The following DGKB variants were observed in gnomAD, a reference collection of about 807,000 sequenced individuals.
DGKB encodes the protein diacylglycerol kinase beta.
A neutral mutation model predicts 114.3 loss-of-function variants in DGKB; 67 were observed. The ratio of observed to expected loss-of-function variants is 0.59; its 90% CI spans 0.48 to 0.72. The LOEUF (loss-of-function observed/expected upper bound fraction) is 0.72, where lower values mean the gene tolerates loss of function less well. DGKB is among the 30% of genes least tolerant of loss of function. DGKB has a pLI of 0.00. For missense variants in DGKB, 907 were observed against 975.2 expected, an observed-to-expected ratio of 0.93 and a Z score of 0.93; for synonymous variants, 398 against 323.1, an observed-to-expected ratio of 1.23 and a Z score of -2.49.
chr7:14,348,323 C>T (rs1812837832), intron 21 of DGKB, among the ~76,000 whole-genome samples: 1 of 152,040 alleles, frequency 6.6e-6, no homozygotes, highest in Non-Finnish European at 1.5e-5. Flanking sequence ...TCAACAGTTT[C>T]TTCCTTTTAT....
At chr7:14,296,594 G>GA (rs1010627714) in intron 23 of DGKB, among the ~76,000 whole-genome samples, 1 of 151,968 alleles carries the variant, frequency 6.6e-6, no homozygotes, top group Non-Finnish European at 1.5e-5. Context: ...GAGAAAGCAG[G>GA]AAAAATCTAA....
rs73681904 is a variant in DGKB, at chr7:14,646,604, C to A, written c.1135-16336G>T. On this transcript the variant is annotated intron_variant, in intron 13 of 25. Transcript: ENST00000402815. ...CTGTATCTTAGGCCTCAATATAAATCTCAAACATTTTAAAACATCAAAATT... is the reference window on the plus strand; with the variant it reads ...CTGTATCTTAGGCCTCAATATAAATATCAAACATTTTAAAACATCAAAATT... 1.5e-3 allele frequency among the ~76,000 whole-genome samples: 231 copies of A among 152,180 alleles called. 1 individual carries two copies. The highest frequency in any genetic ancestry group is 5.3e-3 in the African/African-American group (218 of 41,508).
chr7:14,306,591 C>T (rs1412605781), intron 23 of DGKB, among the ~76,000 whole-genome samples: 2 of 151,914 alleles, frequency 1.3e-5, no homozygotes, highest in African/African-American at 4.8e-5. Flanking sequence ...CCAGTCGGTA[C>T]AGTAGATAAT....
At chr7:14,478,111 G>A (rs1391274536) in intron 21 of DGKB, 50 bp downstream of exon 21, 11 of 1,317,698 alleles carry the variant, frequency 8.3e-6, no homozygotes, top group Non-Finnish European at 1.2e-5. Context: ...ATCTTTTTAT[G>A]GCAAAATTCA....
chr7:14,697,721 GAAGGA>G (rs1563942974), intron 8 of DGKB, among the ~76,000 whole-genome samples: 1 of 131,062 alleles, frequency 7.6e-6, no homozygotes, highest in Admixed American at 7.6e-5. Context: ...GAAAGAAAAG[GAAGGA>G]AGGAAAGAAA....
intron 21 of DGKB, among the ~76,000 whole-genome samples, chr7:14,350,030 T>C (rs1367256061): frequency 6.6e-6 from 1 of 152,144 alleles, no homozygotes; most frequent in African/African-American, 2.4e-5. Context: ...ATTAACGTAG[T>C]AAACCCTATG....
intron 12 of DGKB, among the ~76,000 whole-genome samples, chr7:14,673,315 T>C (rs150628105): frequency 3.4e-3 from 512 of 152,134 alleles, no homozygotes; most frequent in Non-Finnish European, 4.5e-3. Flanking sequence ...CCCTGATTTC[T>C]TTGACAAACA....
At chr7:14,544,105 T>G (rs1298362690) in intron 20 of DGKB, among the ~76,000 whole-genome samples, 2 of 152,216 alleles carry the variant, frequency 1.3e-5, no homozygotes, top group East Asian at 3.8e-4. Flanking sequence ...CCTTGAGTTA[T>G]AGATATAAGA....
intron 13 of DGKB, among the ~76,000 whole-genome samples, chr7:14,654,467 G>A (rs946958358): frequency 2.4e-4 from 37 of 151,940 alleles, no homozygotes; most frequent in African/African-American, 8.7e-4. Context: ...ACAACCCAAA[G>A]CAATTTATAG....
intron 1 of DGKB, among the ~76,000 whole-genome samples, chr7:14,913,123 G>C (rs1170327687): frequency 2.0e-5 from 3 of 152,054 alleles, no homozygotes; most frequent in Admixed American, 2.0e-4. Context: ...TTGTGGATCA[G>C]TGAGTCTTCA....
intron 25 of DGKB, among the ~76,000 whole-genome samples, chr7:14,164,443 A>G (rs1312962479): frequency 6.6e-6 from 1 of 152,246 alleles, no homozygotes; most frequent in Non-Finnish European, 1.5e-5. Flanking sequence ...AATGATATTT[A>G]AAGTTAAAGA....
intron 1 of DGKB, among the ~76,000 whole-genome samples, chr7:14,962,336 G>A (rs1036930472): frequency 5.9e-5 from 9 of 152,070 alleles, no homozygotes; most frequent in Admixed American, 2.6e-4. Context: ...AAAGATATCC[G>A]ACCTTTCCTA....
At chr7:14,491,307 T>C (rs146666791) in intron 20 of DGKB, among the ~76,000 whole-genome samples, 1 of 152,116 alleles carries the variant, frequency 6.6e-6, no homozygotes, top group Non-Finnish European at 1.5e-5. Flanking sequence ...TTCACTTGGC[T>C]CTCATATTCT....
chr7:14,267,738 C>T (rs1797726052), intron 23 of DGKB, among the ~76,000 whole-genome samples: 1 of 152,090 alleles, frequency 6.6e-6, no homozygotes, highest in South Asian at 2.1e-4. Flanking sequence ...ATCCACCCAC[C>T]TCGGCCTCCC....
At chr7:14,446,978 T>G (rs1830805371) in intron 21 of DGKB, among the ~76,000 whole-genome samples, 2 of 152,172 alleles carry the variant, frequency 1.3e-5, no homozygotes, top group South Asian at 4.1e-4. Context: ...CAGAAGGGAC[T>G]GTCCCAACTT....
chr7:14,507,202 T>C (rs561928292), intron 20 of DGKB, among the ~76,000 whole-genome samples: 208 of 152,286 alleles, frequency 1.4e-3, no homozygotes, highest in African/African-American at 4.9e-3. Flanking sequence ...TATATTATTA[T>C]AAACCTCACT....
intron 13 of DGKB, among the ~76,000 whole-genome samples, chr7:14,635,000 CATAA>C (rs1810460916): frequency 6.6e-6 from 1 of 151,374 alleles, no homozygotes; most frequent in South Asian, 2.1e-4. Context: ...TGAAAAGAAA[CATAA>C]ATTATTTTTC....
intron 2 of DGKB, among the ~76,000 whole-genome samples, chr7:14,769,127 GAGAGAGAGAA>G (rs1836952826): frequency 1.6e-4 from 10 of 63,546 alleles, no homozygotes; most frequent in African/African-American, 8.5e-4. Context: ...GAAAGAAAGA[GAGAGAGAGAA>G]AGAAAGAAAG....
chr7:14,236,227 T>A (rs1792752856), intron 23 of DGKB, among the ~76,000 whole-genome samples: 1 of 151,832 alleles, frequency 6.6e-6, no homozygotes, highest in Non-Finnish European at 1.5e-5. Flanking sequence ...TATTACAAAT[T>A]AACCAAGCTT....
Sources: gnomAD v4.1 joint callset for allele counts (sites outside exome capture counted in the v4.1 genomes callset) on GRCh38, gnomAD v4.1.1 for gene constraint, MANE v1.5 for transcripts, NCBI Gene and HGNC (gene_info 2026-07-23, HGNC 2026-07-21) for gene names.